FRAS1: variants seen among roughly 807,000 people sequenced by gnomAD.
The protein encoded by FRAS1 is Fraser extracellular matrix complex subunit 1, also known as extracellular matrix organizing protein FRAS1.
A neutral mutation model predicts 435.2 loss-of-function variants in FRAS1; 290 were observed. The observed-to-expected ratio is 0.67, with a 90% CI of 0.61 to 0.73. The LOEUF (loss-of-function observed/expected upper bound fraction) is 0.73, where lower values mean the gene tolerates loss of function less well. Among genes scored for constraint, FRAS1 ranks in the 30% least tolerant of loss-of-function variants. FRAS1 has a pLI of 0.00. For missense variants in FRAS1, 4,860 were observed against 5,001.5 expected, an observed-to-expected ratio of 0.97 and a Z score of 0.85; for synonymous variants, 1,800 against 1,851.0, an observed-to-expected ratio of 0.97 and a Z score of 0.71.
chr4:78,485,226 T>G (rs2109862241), intron 58 of FRAS1, among the ~76,000 whole-genome samples: 1 of 152,350 alleles, frequency 6.6e-6, no homozygotes, highest in African/African-American at 2.4e-5. Context: ...TGAAAATGCC[T>G]GCTGTAATAC....
intron 2 of FRAS1, among the ~76,000 whole-genome samples, chr4:78,193,987 C>T (rs1722676681): frequency 6.6e-6 from 1 of 152,168 alleles, no homozygotes; most frequent in African/African-American, 2.4e-5. Flanking sequence ...AATCTCTCAG[C>T]ATTTGCTTGT....
chr4:78,245,259 C>T lies in FRAS1; in HGVS notation c.243C>T (p.Asn81=). The T allele has an allele frequency of 6.2e-7, 1 of 1,608,542 alleles. No individual in the cohort carries two copies. The highest frequency in any genetic ancestry group is 8.5e-7 in the Non-Finnish European group (1 of 1,177,462). ...GAGAAGTGCTTCAAATAGCTGCCAA[C>T]CAATGCTGTCCTGAGTGTGTTTTGA... The part of the protein sequence containing the change: ...EKGEVLQIAA[N]QCCPECVLRT... Residue 81 remains asparagine, a synonymous_variant, in exon 4 of 74, where the codon AAC becomes AAT. Transcript: ENST00000512123.
At chr4:78,302,348 T>A (rs1728454750) in intron 14 of FRAS1, among the ~76,000 whole-genome samples, 1 of 151,412 alleles carries the variant, frequency 6.6e-6, no homozygotes, top group Admixed American at 6.6e-5. Context: ...CAGCATGATT[T>A]ATAGTCCTTT....
At chr4:78,319,547 G>A (rs1027675541) in intron 18 of FRAS1, 17 of 368,868 alleles carry the variant, frequency 4.6e-5, no homozygotes, top group Non-Finnish European at 9.4e-5. Context: ...TAGCCTTGCT[G>A]TTGGGTGAAT....
intron 2 of FRAS1, among the ~76,000 whole-genome samples, chr4:78,170,294 C>CAA (rs1241414585): frequency 6.6e-6 from 1 of 152,108 alleles, no homozygotes; most frequent in African/African-American, 2.4e-5. Flanking sequence ...TAAATAGCTA[C>CAA]AAAGAGTTTG....
intron 3 of FRAS1, among the ~76,000 whole-genome samples, chr4:78,239,019 T>C (rs1241148642): frequency 6.6e-6 from 1 of 152,240 alleles, no homozygotes; most frequent in East Asian, 1.9e-4. Context: ...TAAAATTTTA[T>C]GGAAACACGG....
In FRAS1 at chr4:78,122,398, C is replaced by T. The variant is rs1719083635; in HGVS notation, c.108+56382C>T. 4.6e-5 allele frequency among the ~76,000 whole-genome samples: 7 copies of T among 152,144 alleles called. No individual in the cohort carries two copies. The South Asian group carries it at 1.5e-3, about 32-fold the overall frequency. On this transcript the variant is annotated intron_variant, in intron 2 of 73. Transcript: ENST00000512123. ...TCACTGATGGACATTTGGATTGGTT[C>T]CACATCTTTGCTGTTGTGAATAGTG... is the stretch of plus-strand genomic sequence containing the variant.
chr4:78,433,202 A>C (rs542471788), intron 38 of FRAS1, among the ~76,000 whole-genome samples: 1 of 152,302 alleles, frequency 6.6e-6, no homozygotes, highest in South Asian at 2.1e-4. Context: ...TCTGGCCCTA[A>C]CTTTATAAGT....
At chr4:78,510,644 T>C (rs897604231) in intron 63 of FRAS1, among the ~76,000 whole-genome samples, 5 of 152,324 alleles carry the variant, frequency 3.3e-5, no homozygotes, top group Admixed American at 2.6e-4. Flanking sequence ...ACATTGCCTC[T>C]GCATAGATTG....
intron 3 of FRAS1, among the ~76,000 whole-genome samples, chr4:78,238,280 A>C (rs1205469833): frequency 6.8e-6 from 1 of 147,140 alleles, no homozygotes; most frequent in African/African-American, 2.5e-5. Flanking sequence ...TCTTCTGACT[A>C]CACATCTATT....
At chr4:78,382,017 G>GTGTTT (rs781057110) in intron 27 of FRAS1, among the ~76,000 whole-genome samples, 1 of 152,194 alleles carries the variant, frequency 6.6e-6, no homozygotes, top group African/African-American at 2.4e-5. Context: ...ACATCAGTTT[G>GTGTTT]TGTTTTGTTT....
At chr4:78,228,964 A>G (rs2110105014) in intron 2 of FRAS1, among the ~76,000 whole-genome samples, 1 of 152,356 alleles carries the variant, frequency 6.6e-6, no homozygotes, top group Non-Finnish European at 1.5e-5. Flanking sequence ...AAAGCTAAGA[A>G]GTAAATGAAC....
At chr4:78,142,734 G>A (rs1396497676) in intron 2 of FRAS1, among the ~76,000 whole-genome samples, 2 of 152,070 alleles carry the variant, frequency 1.3e-5, no homozygotes, top group Non-Finnish European at 2.9e-5. Context: ...AATTTGGGAG[G>A]GGGTTAAATG....
intron 2 of FRAS1, among the ~76,000 whole-genome samples, chr4:78,187,739 G>A (rs983277983): frequency 2.6e-5 from 4 of 152,068 alleles, no homozygotes; most frequent in Non-Finnish European, 5.9e-5. Flanking sequence ...TAGTAACTGG[G>A]ACTACAGGTA....
intron 60 of FRAS1, among the ~76,000 whole-genome samples, chr4:78,498,425 A>C (rs1306962155): frequency 6.6e-6 from 1 of 152,064 alleles, no homozygotes; most frequent in Non-Finnish European, 1.5e-5. Context: ...AGAATCGCTC[A>C]AACCCAGGAG....
At position 78,445,732 on chromosome 4, in the gene FRAS1, G is replaced by T; in HGVS notation, c.5856+20G>T. On this transcript the variant is annotated intron_variant, in intron 42 of 73. Transcript: ENST00000512123. ...ATTGAGGTAAAGACTTTGGAAGTTG[G>T]AAAGGTTGAGCCCTTGACCACAATA... 1 of 1,613,612 alleles carries T rather than the reference G, an allele frequency of 6.2e-7. No individual in the cohort carries two copies. Among genetic ancestry groups the T allele is most frequent in the Non-Finnish European group, 8.5e-7 (1 of 1,179,694 alleles).
At position 78,450,133 on chromosome 4, in the gene FRAS1, C is replaced by T; in HGVS notation, c.6275-18C>T. ...GAAATGTTGGGGAATAACCTACTCT[C>T]TTCCGTTCTCTTCCAAGGGTCTGTA... On this transcript the variant is annotated intron_variant, in intron 44 of 73. Coordinates refer to ENST00000512123, the MANE Select transcript of FRAS1 (RefSeq NM_025074.7). 2 of 1,605,064 alleles carry T rather than the reference C, an allele frequency of 1.2e-6. No individual in the cohort carries two copies. Among genetic ancestry groups the T allele is most frequent in the Non-Finnish European group, 1.7e-6 (2 of 1,174,166 alleles).
intron 2 of FRAS1, among the ~76,000 whole-genome samples, chr4:78,224,468 A>G (rs1405522516): frequency 6.6e-6 from 1 of 152,234 alleles, no homozygotes; most frequent in Non-Finnish European, 1.5e-5. Context: ...CCAATAATAT[A>G]CATGTGTATA....
intron 2 of FRAS1, among the ~76,000 whole-genome samples, chr4:78,177,573 G>A (rs1314794862): frequency 1.3e-5 from 2 of 152,190 alleles, no homozygotes; most frequent in Admixed American, 1.3e-4. Flanking sequence ...CCATCTCTGG[G>A]TGAGGTCAGT....
Sources: allele counts gnomAD v4.1 joint callset (sites outside exome capture counted in the v4.1 genomes callset), GRCh38; gene constraint gnomAD v4.1.1; transcripts MANE v1.5; gene names NCBI Gene and HGNC (gene_info 2026-07-23, HGNC 2026-07-21).